SOCS7: variants seen among roughly 807,000 people sequenced by gnomAD.
SOCS7 encodes the protein suppressor of cytokine signaling 7, also known as NAP-4.
Under a neutral mutation model 58.9 loss-of-function variants are expected in SOCS7, and 18 were observed. The ratio of observed to expected loss-of-function variants is 0.31; its 90% confidence interval spans 0.21 to 0.45. SOCS7 has a LOEUF of 0.45. SOCS7 is among the 20% of genes least tolerant of loss of function. The pLI, the probability that SOCS7 is intolerant of heterozygous loss-of-function variation, is 1.00. For synonymous variants in SOCS7, 388 were observed against 364.3 expected (o/e 1.06, Z -0.74); for missense variants, 667 against 837.3 (o/e 0.80, Z 2.51).
chr17:38,368,693 T>C (rs1193131015), intron 6 of SOCS7, among the ~76,000 whole-genome samples: 2 of 151,878 alleles, frequency 1.3e-5, no homozygotes, highest in Non-Finnish European at 2.9e-5. Flanking sequence ...GTAGAAACAG[T>C]GTTTTATTCT....
At chr17:38,367,334 G>T (rs2037803948) in intron 5 of SOCS7, among the ~76,000 whole-genome samples, 2 of 151,338 alleles carry the variant, frequency 1.3e-5, no homozygotes, top group Admixed American at 1.3e-4. Flanking sequence ...CAAAGTGCTG[G>T]GATTACAGGT....
rs554179385 is a variant in SOCS7, at chr17:38,379,266, G to C, written c.1681+1424G>C. Among the ~76,000 whole-genome samples, 5 of 151,410 alleles carry C rather than the reference G, an allele frequency of 3.3e-5. No homozygotes were observed. In the South Asian group the frequency reaches 1.0e-3, roughly 32 times the overall value. ...GGCTGAGGCGGGCAGATCACCTGAG[G>C]TCAGGAGTTCGAGACAGCCTAGCCA... On this transcript the variant is annotated intron_variant, in intron 7 of 9. Transcript: ENST00000612932.
rs1201999434 is a variant in SOCS7 at position 38,352,088 on chromosome 17, G to A, written c.36G>A (p.Ala12=). 7.7e-6 allele frequency: 4 copies of A among 520,544 alleles called. No homozygotes were observed. The highest frequency in any genetic ancestry group is 1.1e-5 in the Non-Finnish European group (4 of 351,762). The allele number at this position is 520,544 out of a possible 1,614,324, so 32.2% of individuals were successfully genotyped here. The change falls in exon 1 of 10, where the codon GCG becomes GCA. Residue 12 remains alanine (A), a synonymous_variant. Transcript: ENST00000612932. The surrounding 1 kb of genome is among the most constrained non-coding windows in gnomAD (Gnocchi z 5.5). ...CCGAGCTCCGGGATGGCGAGGCGGC[G>A]GCGGCGGCCGCTTCGTACCGCGTCC... ...QEAELRDGEA[A]AAAASYRVLS...
intron 4 of SOCS7, 121 bp from the exon 5 acceptor site, chr17:38,366,166 T>G (rs2037786423): frequency 7.1e-7 from 1 of 1,411,106 alleles, no homozygotes; most frequent in African/African-American, 1.4e-5. Flanking sequence ...TTCTACCCTT[T>G]CCAGCTTAGC....
intron 7 of SOCS7, among the ~76,000 whole-genome samples, chr17:38,381,404 T>C (rs2037998475): frequency 2.0e-5 from 3 of 152,196 alleles, no homozygotes; most frequent in African/African-American, 7.2e-5. Context: ...TCTGTCAGTC[T>C]GCGTCAGGGA....
intron 6 of SOCS7, among the ~76,000 whole-genome samples, chr17:38,374,465 C>T (rs8080195): frequency 0.18 from 27,356 of 150,216 alleles, 2,883 homozygotes; most frequent in East Asian, 0.44. Context: ...CGTGATCATG[C>T]CACTGCACTC....
intron 7 of SOCS7, among the ~76,000 whole-genome samples, chr17:38,389,646 G>T (rs2038124061): frequency 1.4e-5 from 2 of 146,408 alleles, no homozygotes; most frequent in South Asian, 4.3e-4. Context: ...TTTCTTGATG[G>T]TATTCTTTGA....
chr17:38,378,078 C>T (rs2037954614), intron 7 of SOCS7, among the ~76,000 whole-genome samples: 1 of 152,198 alleles, frequency 6.6e-6, no homozygotes, highest in Non-Finnish European at 1.5e-5. Flanking sequence ...CTGCTTCCAC[C>T]TCTGATGTCC....
chr17:38,353,788 A>G (rs1298352625), intron 1 of SOCS7, among the ~76,000 whole-genome samples: 1 of 152,074 alleles, frequency 6.6e-6, no homozygotes, highest in Non-Finnish European at 1.5e-5. Flanking sequence ...AAAAAATACA[A>G]AAAATTAGGC....
chr17:38,386,947 G>A lies in SOCS7; in HGVS notation c.1682-8362G>A, dbSNP rs539150324. Among the ~76,000 whole-genome samples, 605 of 150,596 alleles carry A rather than the reference G, an allele frequency of 4.0e-3. 1 individual carries two copies. Among genetic ancestry groups the A allele is most frequent in the Non-Finnish European group, 6.9e-3 (464 of 67,712 alleles). On this transcript the variant is annotated intron_variant, in intron 7 of 9. Transcript: ENST00000612932. ...AAAAAATAGAAAAAATTAGCTGGGC[G>A]TGGTGGTGGGCACCTATAGTCCCAG...
rs879670458 is a variant in SOCS7, at chr17:38,351,917, C to G, written c.-136C>G. Among the ~76,000 whole-genome samples the G allele has an allele frequency of 5.3e-5, 8 of 151,510 alleles. No individual in the cohort carries two copies. Among genetic ancestry groups the G allele is most frequent in the South Asian group, 2.1e-4 (1 of 4,828 alleles). Reference sequence around the variant, plus strand: ...CTGGGCTCCGCGCGCCCCCCGCCCCCCTCTATGAGGCAGAGGCCGCGGCGG... The same window carrying G: ...CTGGGCTCCGCGCGCCCCCCGCCCCGCTCTATGAGGCAGAGGCCGCGGCGG... On this transcript the variant is annotated 5_prime_UTR_variant, in exon 1 of 10. Coordinates refer to ENST00000612932, the MANE Select transcript of SOCS7 (RefSeq NM_014598.4).
At chr17:38,376,741 A>G (rs1276099622) in intron 6 of SOCS7, among the ~76,000 whole-genome samples, 1 of 152,152 alleles carries the variant, frequency 6.6e-6, no homozygotes, top group African/African-American at 2.4e-5. Flanking sequence ...CAAAAAAAAA[A>G]AAAAGTTATA....
rs147951057 is a variant in SOCS7, at chr17:38,368,906, A to G, written c.1552+856A>G. ...AAAATGTTGAGAGTTTGTGGGATCA[A>G]CATGCTTTAGACTATCTGCCATTCT... On this transcript the variant is annotated intron_variant, in intron 6 of 9. Transcript: ENST00000612932. Among the ~76,000 whole-genome samples, 41 of 152,302 alleles carry G rather than the reference A, an allele frequency of 2.7e-4. No individual in the cohort carries two copies. In the East Asian group the frequency reaches 6.4e-3, roughly 24 times the overall value.
intron 6 of SOCS7, among the ~76,000 whole-genome samples, chr17:38,372,798 T>C (rs1463205088): frequency 6.6e-6 from 1 of 152,126 alleles, no homozygotes; most frequent in African/African-American, 2.4e-5. Context: ...GAATTCAGCA[T>C]AAGGACTGTT....
chr17:38,365,401 A>G lies in SOCS7; in HGVS notation c.1244A>G (p.His415Arg). ...SFPLPPPPPP[H>R]APDAFPRIAP... ...CCCCTACCTCCGCCTCCTCCACCCCATGCCCCAGGTTAGCTTAGTTTAGAG... is the reference window on the plus strand; with the variant it reads ...CCCCTACCTCCGCCTCCTCCACCCCGTGCCCCAGGTTAGCTTAGTTTAGAG... Residue 415 changes from histidine (H) to arginine (R), a missense_variant, in exon 4 of 10, where the codon CAT becomes CGT. His to Arg is a conservative substitution (Grantham distance 29, BLOSUM62 0). Around this residue, in one of 9 missense-constraint regions of SOCS7, gnomAD observed 99 missense variants for 122.9 expected, o/e 0.81. Transcript: ENST00000612932. 2 of 1,609,304 alleles carry G rather than the reference A, an allele frequency of 1.2e-6. No individual in the cohort carries two copies. Among genetic ancestry groups the G allele is most frequent in the Non-Finnish European group, 1.7e-6 (2 of 1,177,370 alleles).
intron 7 of SOCS7, among the ~76,000 whole-genome samples, chr17:38,388,692 T>C (rs1160189477): frequency 2.6e-5 from 4 of 152,214 alleles, no homozygotes; most frequent in Admixed American, 2.0e-4. Flanking sequence ...ACCACTAATC[T>C]GTTTTCCGTT....
rs947981004 is a variant in SOCS7 at position 38,352,778 on chromosome 17, G to A, written c.726G>A (p.Gly242=). The A allele has an allele frequency of 6.5e-7, 1 of 1,550,280 alleles. No individual in the cohort carries two copies. Among genetic ancestry groups the A allele is most frequent in the Non-Finnish European group, 8.7e-7 (1 of 1,147,402 alleles). Residue 242 remains glycine (G), a synonymous_variant, in exon 1 of 10, where the codon GGG becomes GGA. Coordinates refer to ENST00000612932, the MANE Select transcript of SOCS7 (RefSeq NM_014598.4). This position sits in a 1 kb window ranked among gnomAD's most constrained non-coding sequence, Gnocchi z 5.5. The part of the protein sequence containing the change: ...DLVPLGRLSR[G]EQQQQQQQQP... ...TCCCTCTGGGGCGCCTGAGTAGAGG[G>A]GAGCAGCAGCAGCAGCAGCAGCAGC...
chr17:38,396,036 T>G, intron 9 of SOCS7, 38 bp downstream of exon 9: 1 of 1,509,954 alleles, frequency 6.6e-7, no homozygotes, highest in Non-Finnish European at 8.8e-7. Context: ...CCACATTTCT[T>G]CCTGGGCAGT....
chr17:38,351,846 C>G lies in SOCS7; in HGVS notation c.-207C>G, dbSNP rs1012500019. Reference sequence around the variant, plus strand: ...TAAGCCCTTCCGGAAGTGACGTCGGCTTGGGGGCGGTGCTCGGCGGTGGCG... The same window carrying G: ...TAAGCCCTTCCGGAAGTGACGTCGGGTTGGGGGCGGTGCTCGGCGGTGGCG... On this transcript the variant is annotated 5_prime_UTR_variant, in exon 1 of 10. Transcript: ENST00000612932. Among the ~76,000 whole-genome samples the G allele has an allele frequency of 6.6e-6, 1 of 151,046 alleles. No homozygotes were observed. The highest frequency in any genetic ancestry group is 6.6e-5 in the Admixed American group (1 of 15,158).
Sources: gnomAD v4.1 joint callset for allele counts (sites outside exome capture counted in the v4.1 genomes callset) on GRCh38, gnomAD v4.1.1 for gene constraint, gnomAD v4.1.1 regional missense constraint, Gnocchi (gnomAD v3.1) non-coding constraint, MANE v1.5 for transcripts, NCBI Gene and HGNC (gene_info 2026-07-23, HGNC 2026-07-21) for gene names.